The following PIGN variants were observed in gnomAD, a reference collection of about 807,000 sequenced individuals.
PIGN encodes phosphatidylinositol glycan anchor biosynthesis class N, also known as GPI ethanolamine phosphate transferase 1.
PIGN carries 117 observed loss-of-function variants against 125.4 expected under a neutral mutation model. The observed-to-expected ratio is 0.93, with a 90% CI of 0.80 to 1.09. PIGN has a LOEUF of 1.09. Among genes scored for constraint, PIGN ranks in the 50% least tolerant of loss-of-function variants. PIGN has a pLI of 0.00. For missense variants in PIGN, 1,075 were observed against 1,094.9 expected (o/e 0.98, Z 0.26); for synonymous variants, 392 against 377.8 (o/e 1.04, Z -0.44).
At chr18:62,126,591 G>A (rs974976407) in intron 14 of PIGN, among the ~76,000 whole-genome samples, 1 of 152,088 alleles carries the variant, frequency 6.6e-6, no homozygotes, top group Non-Finnish European at 1.5e-5. Flanking sequence ...TAAAAATAGG[G>A]AAAAACAATA....
At chr18:62,071,854 C>T (rs2032868460) in intron 30 of PIGN, among the ~76,000 whole-genome samples, 1 of 119,626 alleles carries the variant, frequency 8.4e-6, no homozygotes. Flanking sequence ...TTAGACTGTA[C>T]TCCTTTTCCA....
In PIGN at chr18:62,114,787, T is replaced by G. The variant is rs9962588; in HGVS notation, c.1173-148A>C. Reference sequence around the variant, plus strand: ...AAAGAAAAAAACCTGAATTGCTGTTTGTTCTCTGAAGTCTTCCAAGAAATA... The same window carrying G: ...AAAGAAAAAAACCTGAATTGCTGTTGGTTCTCTGAAGTCTTCCAAGAAATA... On this transcript the variant is annotated intron_variant, in intron 14 of 30. Coordinates refer to ENST00000640252, the MANE Select transcript of PIGN (RefSeq NM_176787.5). 461,656 of 464,846 alleles carry G rather than the reference T, an allele frequency of 0.99. 229,320 individuals are homozygous for G. The highest frequency in any genetic ancestry group is 1 in the East Asian group (28,483 of 28,484). 28.8% of individuals were successfully genotyped at this position (464,846 alleles called of 1,614,324 possible).
intron 13 of PIGN, among the ~76,000 whole-genome samples, chr18:62,138,650 A>G (rs974638723): frequency 3.9e-5 from 6 of 152,224 alleles, no homozygotes; most frequent in Non-Finnish European, 8.8e-5. Flanking sequence ...AAGGAATCTC[A>G]TAACATACAT....
intron 22 of PIGN, among the ~76,000 whole-genome samples, chr18:62,096,167 C>T (rs889356994): frequency 1.5e-4 from 23 of 151,922 alleles, no homozygotes; most frequent in African/African-American, 5.1e-4. Flanking sequence ...TGGTGGCAGG[C>T]GCCTGTAATC....
At chr18:62,155,141 G>A (rs993309529) in intron 6 of PIGN, among the ~76,000 whole-genome samples, 3 of 152,132 alleles carry the variant, frequency 2.0e-5, no homozygotes, top group Non-Finnish European at 4.4e-5. Flanking sequence ...ACTTCTAAGA[G>A]AATAAATATT....
Position 62,105,425 on chromosome 18 carries a change from A to T in PIGN, c.1859+118T>A, listed in dbSNP as rs2034597493. The T allele has an allele frequency of 7.8e-6, 5 of 644,050 alleles. No individual in the cohort carries two copies. In the East Asian group the frequency reaches 1.4e-4, roughly 19 times the overall value. The allele number at this position is 644,050 out of a possible 1,614,324, so 39.9% of individuals were successfully genotyped here. On this transcript the variant is annotated intron_variant, in intron 20 of 30. Transcript: ENST00000640252. Reference sequence around the variant, plus strand: ...TAATGGTTTGATATTGGTATTTTAAATTCCCGTTAGTTCACATGATTTTAT... The same window carrying T: ...TAATGGTTTGATATTGGTATTTTAATTTCCCGTTAGTTCACATGATTTTAT...
intron 30 of PIGN, among the ~76,000 whole-genome samples, chr18:62,050,197 C>T (rs1018378650): frequency 6.6e-6 from 1 of 152,072 alleles, no homozygotes; most frequent in African/African-American, 2.4e-5. Context: ...CTTTTTGGTT[C>T]CATATGAACT....
chr18:62,036,783 A>G (rs529836538), downstream of PIGN, among the ~76,000 whole-genome samples: 5 of 152,316 alleles, frequency 3.3e-5, no homozygotes, highest in South Asian at 1.0e-3. Flanking sequence ...TGGTATGTTA[A>G]CCTGCCATCA....
At chr18:62,064,722 G>A (rs543977) in intron 30 of PIGN, among the ~76,000 whole-genome samples, 139,153 of 152,256 alleles carry the variant, frequency 0.91, 63,711 homozygotes, top group African/African-American at 0.97. Flanking sequence ...ATTATCATCA[G>A]TTTAATACCT....
chr18:62,114,490 G>C, intron 15 of PIGN, 71 bp downstream of exon 15: 1 of 899,216 alleles, frequency 1.1e-6, no homozygotes, highest in Admixed American at 2.0e-5. Context: ...TGCCTACTTT[G>C]CTCTATTTTT....
At chr18:62,155,369 C>A (rs371350706) in intron 6 of PIGN, among the ~76,000 whole-genome samples, 1 of 151,916 alleles carries the variant, frequency 6.6e-6, no homozygotes, top group Admixed American at 6.6e-5. Context: ...GAGATCGAGA[C>A]CCCCCTGGCC....
Position 62,106,885 on chromosome 18 carries a change from G to T in PIGN, c.1675-4C>A. On this transcript the variant is annotated splice_region_variant and splice_polypyrimidine_tract_variant and intron_variant, in intron 18 of 30. Transcript: ENST00000640252. ...AGCGGTAGAAAAAACTGAGAACCTA[G>T]TAATGCATTCCAAAGAAGGAATGAA... 2 of 1,601,678 alleles carry T rather than the reference G, an allele frequency of 1.2e-6. No homozygotes were observed. Among genetic ancestry groups the T allele is most frequent in the South Asian group, 1.1e-5 (1 of 89,054 alleles).
chr18:62,088,961 A>C lies in PIGN; in HGVS notation c.2284-119T>G, dbSNP rs545620815. The stretch of plus-strand genomic sequence containing the variant: ...AGAAACATGCCCTGTGCTGACAAAA[A>C]AATAAACAATAAACAATAAACAATA... On this transcript the variant is annotated intron_variant, in intron 24 of 30. Transcript: ENST00000640252. 9.0e-5 allele frequency: 56 copies of C among 619,670 alleles called. No individual in the cohort carries two copies. In the South Asian group the frequency reaches 1.0e-3, roughly 12 times the overall value. The allele number at this position is 619,670 out of a possible 1,614,324, so 38.4% of individuals were successfully genotyped here. A position where few individuals can be genotyped will look rare whatever the true frequency, so the allele number is the denominator to read the frequency against.
At chr18:62,078,838 T>G (rs1214204260) in intron 28 of PIGN, among the ~76,000 whole-genome samples, 2 of 152,316 alleles carry the variant, frequency 1.3e-5, no homozygotes, top group East Asian at 3.9e-4. Flanking sequence ...TTACTTATCA[T>G]CCCCACTGAG....
chr18:62,070,885 T>C (rs981928144), intron 30 of PIGN, among the ~76,000 whole-genome samples: 2 of 152,078 alleles, frequency 1.3e-5, no homozygotes, highest in African/African-American at 4.8e-5. Context: ...CTCACTAAAC[T>C]CTTTTGACCT....
In PIGN at chr18:62,125,149, T is replaced by TATATAA. The variant is rs1555688933; in HGVS notation, c.1173-10511_1173-10510insTTATAT. 2.2e-3 allele frequency among the ~76,000 whole-genome samples: 24 copies of TATATAA among 10,684 alleles called. No homozygotes were observed. The East Asian group carries it at 0.034, about 15-fold the overall frequency. 7.0% of individuals were successfully genotyped at this position (10,684 alleles called of 152,430 possible). A position where few individuals can be genotyped will look rare whatever the true frequency, so the allele number is the denominator to read the frequency against. The stretch of plus-strand genomic sequence containing the variant: ...AAATATACACGTTTGTACATATGTG[T>TATATAA]ATATACATGTTTGTACATATGTGTA... On this transcript the variant is annotated intron_variant, in intron 14 of 30. Coordinates refer to ENST00000640252, the MANE Select transcript of PIGN (RefSeq NM_176787.5).
downstream of PIGN, among the ~76,000 whole-genome samples, chr18:62,040,167 G>T (rs1193299861): frequency 1.2e-5 from 1 of 82,600 alleles, no homozygotes; most frequent in Non-Finnish European, 2.6e-5. Flanking sequence ...CATGTTTAGG[G>T]CCCCTTCCAG....
At chr18:62,125,894 C>T (rs1938328130) in intron 14 of PIGN, among the ~76,000 whole-genome samples, 1 of 151,936 alleles carries the variant, frequency 6.6e-6, no homozygotes, top group African/African-American at 2.4e-5. Flanking sequence ...TTCATGACAT[C>T]ATACATAACT....
At chr18:62,112,140 A>G (rs929416882) in intron 16 of PIGN, among the ~76,000 whole-genome samples, 1 of 152,196 alleles carries the variant, frequency 6.6e-6, no homozygotes, top group African/African-American at 2.4e-5. Context: ...TATGAGTTCT[A>G]AGAATGCCTA....
Sources: gnomAD v4.1 joint callset for allele counts (sites outside exome capture counted in the v4.1 genomes callset) on GRCh38, gnomAD v4.1.1 for gene constraint, MANE v1.5 for transcripts, NCBI Gene and HGNC (gene_info 2026-07-23, HGNC 2026-07-21) for gene names.